Variants in AGBL4 observed in about 807,000 individuals in gnomAD.
AGBL4 encodes the protein AGBL carboxypeptidase 4.
Under a neutral mutation model 66.4 loss-of-function variants are expected in AGBL4, and 58 were observed. The ratio of observed to expected loss-of-function variants is 0.87; its 90% CI spans 0.71 to 1.09. The LOEUF (loss-of-function observed/expected upper bound fraction) is 1.09, where lower values mean the gene tolerates loss of function less well. Among genes scored for constraint, AGBL4 ranks in the 50% least tolerant of loss-of-function variants. The probability of loss-of-function intolerance (pLI) is 0.00; values close to 1 mark genes in which losing one functional copy is unlikely to be tolerated. For missense variants in AGBL4, 579 were observed against 631.0 expected (o/e 0.92, Z 0.88); for synonymous variants, 234 against 222.9 (o/e 1.05, Z -0.44).
intron 6 of AGBL4, among the ~76,000 whole-genome samples, chr1:48,770,148 C>T (rs192775020): frequency 5.3e-4 from 81 of 152,326 alleles, no homozygotes; most frequent in African/African-American, 1.8e-3. Context: ...GACCCCAACT[C>T]TGCTTTCAAG....
intron 3 of AGBL4, among the ~76,000 whole-genome samples, chr1:49,505,490 T>C (rs1262870489): frequency 2.0e-5 from 3 of 152,034 alleles, no homozygotes; most frequent in African/African-American, 7.2e-5. Flanking sequence ...GATAGCTTTG[T>C]CAGGTTCATT....
At chr1:49,219,466 A>G (rs1557739714) in intron 4 of AGBL4, among the ~76,000 whole-genome samples, 1 of 152,164 alleles carries the variant, frequency 6.6e-6, no homozygotes, top group Non-Finnish European at 1.5e-5. Context: ...ATATTCATGA[A>G]AGCAGCCGAA....
At chr1:49,123,333 AG>A (rs1323277821) in intron 4 of AGBL4, among the ~76,000 whole-genome samples, 1 of 152,218 alleles carries the variant, frequency 6.6e-6, no homozygotes, top group African/African-American at 2.4e-5. Flanking sequence ...ATTTGTGGTT[AG>A]TAAATTATAT....
At chr1:48,638,664 C>T (rs1163330370) in intron 8 of AGBL4, among the ~76,000 whole-genome samples, 1 of 152,194 alleles carries the variant, frequency 6.6e-6, no homozygotes, top group Non-Finnish European at 1.5e-5. Context: ...GCTCCCCCAG[C>T]AAAGTGGCTA....
chr1:49,700,525 T>C (rs932448450), intron 2 of AGBL4, among the ~76,000 whole-genome samples: 1 of 152,088 alleles, frequency 6.6e-6, no homozygotes, highest in African/African-American at 2.4e-5. Context: ...GTTTTAATTA[T>C]GAAACACATT....
chr1:49,479,519 A>G (rs920308495), intron 3 of AGBL4, among the ~76,000 whole-genome samples: 5 of 151,556 alleles, frequency 3.3e-5, no homozygotes, highest in African/African-American at 1.2e-4. Flanking sequence ...GTGTGTTATC[A>G]TCATTTAGGT....
At chr1:48,742,236 T>C (rs1478456555) in intron 6 of AGBL4, among the ~76,000 whole-genome samples, 1 of 152,228 alleles carries the variant, frequency 6.6e-6, no homozygotes, top group Non-Finnish European at 1.5e-5. Flanking sequence ...TATCTGTAAA[T>C]AAGATACTTC....
At chr1:48,996,713 G>A (rs1661021477) in intron 5 of AGBL4, among the ~76,000 whole-genome samples, 1 of 152,042 alleles carries the variant, frequency 6.6e-6, no homozygotes, top group Non-Finnish European at 1.5e-5. Context: ...TGAGAATGTG[G>A]AAAGGATGAG....
chr1:49,202,927 A>G (rs990450401), intron 4 of AGBL4, among the ~76,000 whole-genome samples: 2 of 152,030 alleles, frequency 1.3e-5, no homozygotes, highest in Non-Finnish European at 1.5e-5. Context: ...AAATAATCTG[A>G]TTTTAAAATG....
chr1:49,427,845 ATTTTACAGAGTGCTGATTGGTCCGT>A (rs1478230904), intron 3 of AGBL4, among the ~76,000 whole-genome samples: 1 of 152,172 alleles, frequency 6.6e-6, no homozygotes, highest in Non-Finnish European at 1.5e-5. Context: ...TAATTGGTCC[ATTTTACAGAGTGCTGATTGGTCCGT>A]TTTTACAGAG....
intron 3 of AGBL4, among the ~76,000 whole-genome samples, chr1:49,517,277 G>T (rs937006392): frequency 3.3e-5 from 5 of 151,190 alleles, no homozygotes; most frequent in Admixed American, 1.3e-4. Flanking sequence ...CTCCAAGAGG[G>T]GAAATTTATA....
intron 1 of AGBL4, among the ~76,000 whole-genome samples, chr1:49,992,311 G>C (rs1394803792): frequency 1.3e-5 from 2 of 151,300 alleles, no homozygotes; most frequent in Non-Finnish European, 2.9e-5. Flanking sequence ...GGCGGAGTTT[G>C]CAGTGAGGCG....
intron 6 of AGBL4, among the ~76,000 whole-genome samples, chr1:48,732,837 G>T (rs1648363413): frequency 6.6e-6 from 1 of 152,210 alleles, no homozygotes; most frequent in African/African-American, 2.4e-5. Context: ...GGTAGGATCA[G>T]CGAGAAGATG....
At chr1:49,378,448 A>T (rs1488023424) in intron 3 of AGBL4, among the ~76,000 whole-genome samples, 1 of 152,098 alleles carries the variant, frequency 6.6e-6, no homozygotes, top group Non-Finnish European at 1.5e-5. Flanking sequence ...AGGAGATTAC[A>T]CTAGGAATAG....
intron 6 of AGBL4, among the ~76,000 whole-genome samples, chr1:48,777,888 C>T (rs1645172842): frequency 6.6e-6 from 1 of 152,108 alleles, no homozygotes; most frequent in South Asian, 2.1e-4. Flanking sequence ...GCGGTCTTTG[C>T]TCTGTCTCTT....
chr1:49,689,791 G>A (rs1156712373), intron 3 of AGBL4, among the ~76,000 whole-genome samples: 1 of 152,134 alleles, frequency 6.6e-6, no homozygotes, highest in African/African-American at 2.4e-5. Context: ...TCAGTCCTTT[G>A]GTTAAGTTAA....
At chr1:48,759,262 C>T in intron 6 of AGBL4, 2 of 1,563,488 alleles carry the variant, frequency 1.3e-6, no homozygotes, top group Admixed American at 1.9e-5. Context: ...CGCCACTTCG[C>T]TCGGCTTCCG....
At chr1:48,713,862 C>G (rs1647005491) in intron 6 of AGBL4, among the ~76,000 whole-genome samples, 2 of 152,184 alleles carry the variant, frequency 1.3e-5, no homozygotes, top group Non-Finnish European at 2.9e-5. Context: ...AGTTTACTTA[C>G]ATCCCTTTGA....
At chr1:48,746,039 T>C (rs532983006) in intron 6 of AGBL4, among the ~76,000 whole-genome samples, 51 of 152,324 alleles carry the variant, frequency 3.3e-4, no homozygotes, top group African/African-American at 1.1e-3. Context: ...GGCACAGTGC[T>C]TGATTCACAT....
Sources: allele counts gnomAD v4.1 joint callset (sites outside exome capture counted in the v4.1 genomes callset), GRCh38; gene constraint gnomAD v4.1.1; transcripts MANE v1.5; gene names NCBI Gene and HGNC (gene_info 2026-07-23, HGNC 2026-07-21).